IL1RL1: variants seen among roughly 807,000 people sequenced by gnomAD.
IL1RL1 encodes the protein interleukin-1 receptor-like 1.
In IL1RL1, 32 loss-of-function variants were observed where a neutral mutation model predicts 50.9. The observed-to-expected ratio is 0.63, with a 90% CI of 0.47 to 0.84. The LOEUF (loss-of-function observed/expected upper bound fraction) is 0.84. Ranked by LOEUF, IL1RL1 falls within the 40% of genes least tolerant of loss-of-function variation. The probability of loss-of-function intolerance (pLI) is 0.00; values close to 1 mark genes in which losing one functional copy is unlikely to be tolerated. For synonymous variants in IL1RL1, 275 were observed against 236.0 expected, an observed-to-expected ratio of 1.17 and a Z score of -1.51; for missense variants, 773 against 662.9, an observed-to-expected ratio of 1.17 and a Z score of -1.82.
intron 8 of IL1RL1, chr2:102,343,683 C>A: frequency 7.3e-7 from 1 of 1,367,184 alleles, no homozygotes; most frequent in Non-Finnish European, 9.4e-7. Flanking sequence ...CTTTGGTCAT[C>A]CTTGTTTTCT....
In IL1RL1 at chr2:102,340,704, C is replaced by A. The variant is rs189627011; in HGVS notation, c.486C>A (p.His162Gln). Residue 162 changes from histidine to glutamine, a missense_variant, in exon 5 of 11, where the codon CAC becomes CAA. His to Gln is a conservative substitution (Grantham distance 24, BLOSUM62 0). Coordinates refer to ENST00000233954, the MANE Select transcript of IL1RL1 (RefSeq NM_016232.5). ...TTCAAGGATCAAGGTACAGGGCGCACAAGTCATTTTTGGTCATTGATAATG... is the reference window on the plus strand; with the variant it reads ...TTCAAGGATCAAGGTACAGGGCGCAAAAGTCATTTTTGGTCATTGATAATG... Reference protein sequence around the residue: ...QALQGSRYRAHKSFLVIDNVM... With the variant: ...QALQGSRYRAQKSFLVIDNVM... The A allele has an allele frequency of 8.5e-5, 136 of 1,599,358 alleles. No homozygotes were observed. The highest frequency in any genetic ancestry group is 6.3e-4 in the Admixed American group (35 of 55,318).
chr2:102,341,893 A>G (rs920569484), intron 5 of IL1RL1, among the ~76,000 whole-genome samples: 2 of 152,168 alleles, frequency 1.3e-5, no homozygotes, highest in Non-Finnish European at 2.9e-5. Flanking sequence ...TCTTATTCTT[A>G]TTCTGTAGAA....
rs1270408584 is a variant in IL1RL1, at chr2:102,343,043, C to T, written c.690C>T (p.Asn230=). 10 of 1,613,592 alleles carry T rather than the reference C, an allele frequency of 6.2e-6. No homozygotes were observed. Among genetic ancestry groups the T allele is most frequent in the East Asian group, 4.5e-5 (2 of 44,882 alleles). Residue 230 remains asparagine (N), a synonymous_variant, in exon 7 of 11, where the codon AAC becomes AAT. Coordinates refer to ENST00000233954, the MANE Select transcript of IL1RL1 (RefSeq NM_016232.5). ...NEIKEVEIGK[N]ANLTCSACFG... ...GTCCTTACTCCCCTCTAGGAAAAAA[C>T]GCAAACCTAACTTGCTCTGCTTGTT...
intron 1 of IL1RL1, among the ~76,000 whole-genome samples, chr2:102,326,837 C>A (rs1433213410): frequency 6.6e-6 from 1 of 152,086 alleles, no homozygotes; most frequent in Non-Finnish European, 1.5e-5. Context: ...AATACAGGAG[C>A]ACCCAGATTC....
chr2:102,326,168 A>C (rs969871194), intron 1 of IL1RL1, among the ~76,000 whole-genome samples: 17 of 152,382 alleles, frequency 1.1e-4, no homozygotes, highest in Non-Finnish European at 2.4e-4. Flanking sequence ...CAGAAACTCT[A>C]CAAGCCAGAA....
chr2:102,317,077 C>G (rs1190452206), intron 1 of IL1RL1, among the ~76,000 whole-genome samples: 1 of 152,110 alleles, frequency 6.6e-6, no homozygotes, highest in Non-Finnish European at 1.5e-5. Context: ...TGTTTCAGCC[C>G]AGCATGGTGG....
chr2:102,330,305 A>T (rs973762257), intron 1 of IL1RL1, among the ~76,000 whole-genome samples: 2 of 145,732 alleles, frequency 1.4e-5, no homozygotes, highest in African/African-American at 5.0e-5. Context: ...ACACATGGAC[A>T]CAGGAAGGGG....
Position 102,340,692 on chromosome 2 carries a change from G to T in IL1RL1, c.474G>T (p.Arg158Ser). Reference sequence around the variant, plus strand: ...ATTGTCAGGCTCTTCAAGGATCAAGGTACAGGGCGCACAAGTCATTTTTGG... The same window carrying T: ...ATTGTCAGGCTCTTCAAGGATCAAGTTACAGGGCGCACAAGTCATTTTTGG... ...FKNCQALQGS[R>S]YRAHKSFLVI... Residue 158 changes from arginine (R) to serine (S), a missense_variant, in exon 5 of 11, where the codon AGG becomes AGT. Arg to Ser is a moderately radical substitution (Grantham distance 110). Coordinates refer to ENST00000233954, the MANE Select transcript of IL1RL1 (RefSeq NM_016232.5). 6.3e-7 allele frequency: 1 copy of T among 1,597,550 alleles called. No individual in the cohort carries two copies. The highest frequency in any genetic ancestry group is 8.5e-7 in the Non-Finnish European group (1 of 1,175,558).
intron 1 of IL1RL1, among the ~76,000 whole-genome samples, chr2:102,331,733 C>A (rs1367046832): frequency 6.6e-6 from 1 of 152,048 alleles, no homozygotes; most frequent in Non-Finnish European, 1.5e-5. Context: ...TTTTTGAATC[C>A]CAAATTCCAT....
intron 3 of IL1RL1, 60 bp downstream of exon 3, chr2:102,339,107 T>G (rs1677446674): frequency 8.6e-7 from 1 of 1,160,530 alleles, no homozygotes; most frequent in Non-Finnish European, 1.3e-6. Flanking sequence ...AGTGGTTGAT[T>G]GCCTGAGCTG....
At chr2:102,312,481 A>C (rs899950996) in intron 1 of IL1RL1, among the ~76,000 whole-genome samples, 2 of 152,062 alleles carry the variant, frequency 1.3e-5, no homozygotes, top group Non-Finnish European at 2.9e-5. Context: ...TATAGTATAC[A>C]CACAGAGTGC....
chr2:102,320,702 C>G (rs1167646438), intron 1 of IL1RL1, among the ~76,000 whole-genome samples: 1 of 152,094 alleles, frequency 6.6e-6, no homozygotes, highest in Non-Finnish European at 1.5e-5. Context: ...CTTGACTGCT[C>G]TCATATCCTG....
chr2:102,349,069 T>C lies in IL1RL1; in HGVS notation c.1118-10T>C. 6.2e-7 allele frequency: 1 copy of C among 1,610,648 alleles called. No homozygotes were observed. On this transcript the variant is annotated splice_polypyrimidine_tract_variant and intron_variant, in intron 9 of 10. Transcript: ENST00000233954. ...AAGTAAGAAGTTGTACTTCTTGTTT[T>C]CATTTTCAGATGGAAAGCTCTATGA...
rs548056068 is a variant in IL1RL1 at position 102,329,814 on chromosome 2, G to A, written c.-149-8302G>A. ...ATACCATCTCACACCAGTTAGAATG[G>A]TGATTATTAAAAAGCCAGGAAACAA... is the stretch of plus-strand genomic sequence containing the variant. On this transcript the variant is annotated intron_variant, in intron 1 of 10. Coordinates refer to ENST00000233954, the MANE Select transcript of IL1RL1 (RefSeq NM_016232.5). Among the ~76,000 whole-genome samples the A allele has an allele frequency of 2.0e-5, 3 of 152,294 alleles. No homozygotes were observed. The East Asian group carries it at 5.8e-4, about 29-fold the overall frequency.
chr2:102,327,808 G>C (rs1677056756), intron 1 of IL1RL1, among the ~76,000 whole-genome samples: 1 of 152,150 alleles, frequency 6.6e-6, no homozygotes, highest in African/African-American at 2.4e-5. Flanking sequence ...AAACCAGGAA[G>C]AACTTGAATC....
rs746275766 is a variant in IL1RL1 at position 102,340,140 on chromosome 2, T to TA, written c.321dup (p.Gln108ThrfsTer30). ...CTGGATATGCGAATGTCACCATATA[T>TA]AAAAAACAATCAGATTGCAATGTTC... On this transcript the variant is annotated frameshift_variant, in exon 4 of 11. Transcript: ENST00000233954. LOFTEE classifies it high-confidence loss of function. 38 of 1,585,402 alleles carry TA rather than the reference T, an allele frequency of 2.4e-5. No individual in the cohort carries two copies. Among genetic ancestry groups the TA allele is most frequent in the African/African-American group, 6.8e-5 (5 of 73,780 alleles).
chr2:102,340,829 GTAAGCTACTGACATTAA>G lies in IL1RL1; in HGVS notation c.610+3_610+19del. 1 of 1,567,954 alleles carries G rather than the reference GTAAGCTACTGACATTAA, an allele frequency of 6.4e-7. No individual in the cohort carries two copies. The highest frequency in any genetic ancestry group is 8.6e-7 in the Non-Finnish European group (1 of 1,165,110). Reference sequence around the variant, plus strand: ...GCGACCAGGTCCTTCACGGTCAAGGGTAAGCTACTGACATTAATGAGATAGAATACTACGTGAAAGAA... The same window carrying G: ...GCGACCAGGTCCTTCACGGTCAAGGGTGAGATAGAATACTACGTGAAAGAA... On this transcript the variant is annotated splice_donor_variant and splice_donor_5th_base_variant and intron_variant, in intron 5 of 10. Transcript: ENST00000233954. LOFTEE classifies it high-confidence loss of function.
intron 8 of IL1RL1, chr2:102,343,629 C>T: frequency 4.9e-6 from 7 of 1,435,544 alleles, no homozygotes; most frequent in Non-Finnish European, 6.4e-6. Flanking sequence ...TCGTCCTCCC[C>T]CACTCCCTCC....
intron 1 of IL1RL1, among the ~76,000 whole-genome samples, chr2:102,336,025 C>T (rs1677310671): frequency 6.6e-6 from 1 of 152,204 alleles, no homozygotes; most frequent in Non-Finnish European, 1.5e-5. Context: ...AGAGCCACTC[C>T]ACAGGCTGAA....
Sources: allele counts gnomAD v4.1 joint callset (sites outside exome capture counted in the v4.1 genomes callset), GRCh38; gene constraint gnomAD v4.1.1; transcripts MANE v1.5; gene names NCBI Gene and HGNC (gene_info 2026-07-23, HGNC 2026-07-21).